The following TEX2 variants were observed in gnomAD, a reference collection of about 807,000 sequenced individuals.
TEX2 encodes testis-expressed protein 2.
A neutral mutation model predicts 106.9 loss-of-function variants in TEX2; 53 were observed. That is an observed-to-expected ratio of 0.50 (90% CI 0.40 to 0.62). TEX2 has a LOEUF of 0.62. Ranked by LOEUF, TEX2 falls within the 20% of genes least tolerant of loss-of-function variation. The pLI, the probability that TEX2 is intolerant of heterozygous loss-of-function variation, is 0.00. For missense variants in TEX2, 1,207 were observed against 1,379.0 expected (o/e 0.88, Z 1.98); for synonymous variants, 523 against 534.8 (o/e 0.98, Z 0.30).
chr17:64,203,007 A>G (rs144582440), intron 2 of TEX2, among the ~76,000 whole-genome samples: 78 of 152,344 alleles, frequency 5.1e-4, no homozygotes, highest in African/African-American at 1.9e-3. Context: ...GTACAAAACC[A>G]CAATCTATAA....
In TEX2 at chr17:64,214,115, C is replaced by T. The variant is rs782450553; in HGVS notation, c.103G>A (p.Ala35Thr). Residue 35 changes from alanine (A) to threonine (T), a missense_variant, in exon 2 of 12, where the codon GCC becomes ACC. Ala to Thr is a moderately conservative substitution (Grantham distance 58, BLOSUM62 0). Transcript: ENST00000584379. Reference sequence around the variant, plus strand: ...TCGCCGGATGCCGAGAAGTGAATGGCGATGGTATCTCGGGACACGGACCTC... The same window carrying T: ...TCGCCGGATGCCGAGAAGTGAATGGTGATGGTATCTCGGGACACGGACCTC... ...VQRSVSRDTIAIHFSASGEEE... is the reference protein window; with the variant it reads ...VQRSVSRDTITIHFSASGEEE... 1.9e-5 allele frequency: 30 copies of T among 1,614,018 alleles called. No homozygotes were observed. The highest frequency in any genetic ancestry group is 1.3e-4 in the Admixed American group (8 of 59,994).
chr17:64,203,634 A>G (rs1340076513), intron 2 of TEX2, among the ~76,000 whole-genome samples: 2 of 152,196 alleles, frequency 1.3e-5, no homozygotes, highest in African/African-American at 4.8e-5. Context: ...GATTTTACCC[A>G]TGAAAGGCAA....
chr17:64,206,550 C>CCT (rs2032836733), intron 2 of TEX2, among the ~76,000 whole-genome samples: 1 of 77,190 alleles, frequency 1.3e-5, no homozygotes, highest in Non-Finnish European at 2.3e-5. Flanking sequence ...AGAGGTCTTA[C>CCT]TTTTTTTTTT....
chr17:64,180,186 C>T (rs11079528), intron 5 of TEX2, among the ~76,000 whole-genome samples: 79,459 of 151,592 alleles, frequency 0.52, 22,606 homozygotes, highest in East Asian at 0.82. Flanking sequence ...TAAGACACCA[C>T]GTGTCTTATT....
intron 1 of TEX2, among the ~76,000 whole-genome samples, chr17:64,234,565 G>A (rs1408381910): frequency 1.3e-5 from 2 of 152,200 alleles, no homozygotes; most frequent in Non-Finnish European, 2.9e-5. Context: ...GCTGACAGCT[G>A]AGGCTAACTG....
chr17:64,196,856 A>G (rs1380086641), intron 2 of TEX2, among the ~76,000 whole-genome samples: 1 of 152,178 alleles, frequency 6.6e-6, no homozygotes, highest in Non-Finnish European at 1.5e-5. Flanking sequence ...GGGCTGTATC[A>G]GCTCACAAGA....
chr17:64,151,358 ACTGC>A (rs1400224439), intron 10 of TEX2, among the ~76,000 whole-genome samples: 1 of 152,204 alleles, frequency 6.6e-6, no homozygotes, highest in Non-Finnish European at 1.5e-5. Flanking sequence ...TGAAAGACAC[ACTGC>A]CTCTCTCTGA....
Position 64,195,147 on chromosome 17 carries a change from T to C in TEX2, c.1645-52A>G. 1 of 1,543,640 alleles carries C rather than the reference T, an allele frequency of 6.5e-7. No homozygotes were observed. On this transcript the variant is annotated intron_variant, in intron 2 of 11. Coordinates refer to ENST00000584379, the MANE Select transcript of TEX2 (RefSeq NM_001288732.2). The surrounding 1 kb of genome is among the most constrained non-coding windows in gnomAD (Gnocchi z 4.1). ...ATATCAGAATAATCGCAAATCTGAT[T>C]TAGTGTGAAATGATGAACACTGTGG...
chr17:64,248,935 T>A (rs1452124946), intron 1 of TEX2, among the ~76,000 whole-genome samples: 1 of 151,346 alleles, frequency 6.6e-6, no homozygotes, highest in Non-Finnish European at 1.5e-5. Context: ...CTTAGGAGGC[T>A]GAGGAAGGAG....
Position 64,177,357 on chromosome 17 carries a change from T to C in TEX2, c.2539A>G (p.Lys847Glu). The change falls in exon 6 of 12, where the codon AAG becomes GAG. Residue 847 changes from lysine (K) to glutamate (E), a missense_variant. Lys to Glu is a moderately conservative substitution (Grantham distance 56). Around this residue, in one of 3 missense-constraint regions of TEX2, gnomAD observed 1,067 missense variants for 1,193.6 expected, o/e 0.89. Coordinates refer to ENST00000584379, the MANE Select transcript of TEX2 (RefSeq NM_001288732.2). ...TTGCTGAGTTTCATTTGGATCTTCT[T>C]AGACACCAGATCAGACCAGTATTTC... ...GEKYWSDLVS[K>E]KIQMKLSKIK... 1 of 1,614,200 alleles carries C rather than the reference T, an allele frequency of 6.2e-7. No homozygotes were observed.
At chr17:64,249,334 A>T (rs2034048826) in intron 1 of TEX2, among the ~76,000 whole-genome samples, 1 of 152,174 alleles carries the variant, frequency 6.6e-6, no homozygotes, top group Non-Finnish European at 1.5e-5. Context: ...CCACTGGAGC[A>T]CTGTGGGAAG....
intron 1 of TEX2, among the ~76,000 whole-genome samples, chr17:64,227,119 G>C (rs112334508): frequency 6.6e-6 from 1 of 151,954 alleles, no homozygotes; most frequent in Non-Finnish European, 1.5e-5. Context: ...CCAGCTACTC[G>C]GGAGGGTGAG....
chr17:64,176,211 A>C (rs1330379513), intron 6 of TEX2, among the ~76,000 whole-genome samples: 1 of 152,174 alleles, frequency 6.6e-6, no homozygotes, highest in Non-Finnish European at 1.5e-5. Context: ...GAGCTGGGGA[A>C]GAAGGGACAC....
intron 2 of TEX2, among the ~76,000 whole-genome samples, chr17:64,210,960 T>C: frequency 6.6e-6 from 1 of 151,764 alleles, no homozygotes; most frequent in African/African-American, 2.4e-5. Flanking sequence ...ACTTATTTTA[T>C]TATTATTATT....
chr17:64,214,768 G>A (rs988655657), intron 1 of TEX2, among the ~76,000 whole-genome samples: 41 of 152,300 alleles, frequency 2.7e-4, no homozygotes, highest in African/African-American at 9.4e-4. Context: ...CCAACTTCCT[G>A]CTATTGCAAG....
chr17:64,259,088 C>T lies in TEX2; in HGVS notation c.-26+4080G>A, dbSNP rs191852988. The stretch of plus-strand genomic sequence containing the variant: ...TTAAAAGTCCAAATTAGTGAAGTGA[C>T]GCGCAGCTGGTATCCTGCCTTGCTG... On this transcript the variant is annotated intron_variant, in intron 1 of 11. Transcript: ENST00000584379. 2.5e-4 allele frequency among the ~76,000 whole-genome samples: 38 copies of T among 152,296 alleles called. 1 individual carries two copies. Among genetic ancestry groups the T allele is most frequent in the Admixed American group, 8.5e-4 (13 of 15,298 alleles).
intron 7 of TEX2, among the ~76,000 whole-genome samples, chr17:64,170,854 C>G (rs1361792827): frequency 1.3e-5 from 2 of 152,028 alleles, no homozygotes; most frequent in Admixed American, 6.6e-5. Flanking sequence ...AGGCTGGCCT[C>G]GAATTCCTGA....
intron 10 of TEX2, 94 bp downstream of exon 10, chr17:64,152,851 G>T (rs973350933): frequency 3.1e-6 from 4 of 1,284,090 alleles, no homozygotes; most frequent in Admixed American, 4.6e-5. Context: ...CCGGGAGAAG[G>T]TACTTTCCAT....
In TEX2 at chr17:64,188,237, G is replaced by C; in HGVS notation, c.2355C>G (p.Pro785=). Residue 785 remains proline (P), a synonymous_variant, in exon 5 of 12, where the codon CCC becomes CCG. Coordinates refer to ENST00000584379, the MANE Select transcript of TEX2 (RefSeq NM_001288732.2). ...TCCTCTGGGGGCTTCGGCTTTCCTG[G>C]GGGACACACCTGCCCATGTACACGC... The part of the protein sequence containing the change: ...DYSVYMGRCV[P]QESRSPQRSP... 3 of 1,613,618 alleles carry C rather than the reference G, an allele frequency of 1.9e-6. No individual in the cohort carries two copies. Among genetic ancestry groups the C allele is most frequent in the Non-Finnish European group, 2.5e-6 (3 of 1,180,040 alleles).
Sources: allele counts gnomAD v4.1 joint callset (sites outside exome capture counted in the v4.1 genomes callset), GRCh38; gene constraint gnomAD v4.1.1; regional missense constraint gnomAD v4.1.1; non-coding constraint Gnocchi (gnomAD v3.1); transcripts MANE v1.5; gene names NCBI Gene and HGNC (gene_info 2026-07-23, HGNC 2026-07-21).